Variants in ADGRG1 observed in about 807,000 individuals in gnomAD.
ADGRG1 encodes adhesion G protein-coupled receptor G1.
Under a neutral mutation model 73.5 loss-of-function variants are expected in ADGRG1, and 53 were observed. The ratio of observed to expected loss-of-function variants is 0.72; its 90% confidence interval spans 0.58 to 0.91. ADGRG1 has a LOEUF of 0.91. Among genes scored for constraint, ADGRG1 ranks in the 40% least tolerant of loss-of-function variants. The pLI, the probability that ADGRG1 is intolerant of heterozygous loss-of-function variation, is 0.00. For missense variants in ADGRG1, 795 were observed against 871.8 expected (o/e 0.91, Z 1.11); for synonymous variants, 394 against 374.4 (o/e 1.05, Z -0.60).
chr16:57,657,336 A>T, intron 9 of ADGRG1, 37 bp from the exon 10 acceptor site: 3 of 1,613,358 alleles, frequency 1.9e-6, no homozygotes, highest in Non-Finnish European at 2.5e-6. Context: ...TGTGTGGGGG[A>T]CACAGAGGCC....
intron 1 of ADGRG1, chr16:57,648,568 T>C: frequency 1.0e-6 from 1 of 983,262 alleles, no homozygotes; most frequent in Non-Finnish European, 1.2e-6. Context: ...GAAGGAGACA[T>C]TGAGCTCCTG....
At position 57,631,746 on chromosome 16, in the gene ADGRG1, A is replaced by G. The variant is rs536353665; in HGVS notation, c.-36+2944A>G. The G allele has an allele frequency of 1.5e-4, 147 of 985,456 alleles. 1 individual carries two copies. The African/African-American group carries it at 2.4e-3, about 16-fold the overall frequency. 61.0% of individuals were successfully genotyped at this position (985,456 alleles called of 1,614,324 possible). Reference sequence around the variant, plus strand: ...AAACCGGGTGGGGCGGGGCTGTGGCACGGCCTCAGCCTCCCAGGCCTCCTT... The same window carrying G: ...AAACCGGGTGGGGCGGGGCTGTGGCGCGGCCTCAGCCTCCCAGGCCTCCTT... On this transcript the variant is annotated intron_variant, in intron 1 of 13. Transcript: ENST00000562631.
At chr16:57,628,623 C>T, upstream of ADGRG1, 1 of 985,532 alleles carries the variant, frequency 1.0e-6, no homozygotes, top group South Asian at 4.7e-5. Context: ...CCGGTCCCTC[C>T]CTCTCCGCAC....
intron 1 of ADGRG1, chr16:57,636,712 C>T (rs4395064): frequency 2.0e-6 from 2 of 984,914 alleles, no homozygotes; most frequent in South Asian, 9.4e-5. Context: ...CCAGCTCCGT[C>T]TCAGTCTTCA....
intron 1 of ADGRG1, chr16:57,635,990 G>A (rs1469654239): frequency 2.0e-6 from 2 of 985,280 alleles, no homozygotes; most frequent in Non-Finnish European, 2.4e-6. Context: ...AGTCTCTGCA[G>A]ACTAGTCCTC....
At chr16:57,624,967 G>T (rs1172161964), upstream of ADGRG1, among the ~76,000 whole-genome samples, 2 of 152,160 alleles carry the variant, frequency 1.3e-5, no homozygotes, top group Non-Finnish European at 2.9e-5. Flanking sequence ...GGAGATAAAT[G>T]GATGGAGAGA....
intron 1 of ADGRG1, chr16:57,643,564 GT>G: frequency 1.0e-6 from 1 of 983,692 alleles, no homozygotes; most frequent in Non-Finnish European, 1.2e-6. Context: ...GGTATGGGGG[GT>G]GGGGGGTGTC....
At chr16:57,662,066 GGCCTCA>G in intron 13 of ADGRG1, 101 bp downstream of exon 13, 1 of 948,236 alleles carries the variant, frequency 1.1e-6, no homozygotes. Context: ...CCCTTCTCTG[GGCCTCA>G]GTCATCCCAT....
intron 1 of ADGRG1, among the ~76,000 whole-genome samples, chr16:57,649,760 G>A (rs2148159651): frequency 6.6e-6 from 1 of 151,890 alleles, no homozygotes; most frequent in South Asian, 2.1e-4. Context: ...AACTCAGCTG[G>A]ACTCTGGACA....
intron 3 of ADGRG1, chr16:57,652,855 G>T (rs2044442606): frequency 1.8e-6 from 2 of 1,139,872 alleles, no homozygotes; most frequent in Non-Finnish European, 2.2e-6. Flanking sequence ...GGAGTCCCAG[G>T]AACCACCACC....
chr16:57,642,601 A>G, intron 1 of ADGRG1: 2 of 976,410 alleles, frequency 2.0e-6, no homozygotes, highest in Non-Finnish European at 2.4e-6. Context: ...AGAGCCTTTG[A>G]TATGCTAATA....
At chr16:57,661,321 T>C (rs2047025803) in intron 12 of ADGRG1, 1 of 985,206 alleles carries the variant, frequency 1.0e-6, no homozygotes, top group Non-Finnish European at 1.2e-6. Flanking sequence ...ACTCACCTGA[T>C]TCACCCAGGC....
chr16:57,630,398 C>T, intron 1 of ADGRG1: 1 of 985,790 alleles, frequency 1.0e-6, no homozygotes. Flanking sequence ...CCGAGATATG[C>T]ACCCACCTTG....
intron 3 of ADGRG1, 88 bp from the exon 4 acceptor site, chr16:57,653,115 G>A (rs1389818225): frequency 1.3e-6 from 2 of 1,595,344 alleles, no homozygotes; most frequent in Admixed American, 3.3e-5. Context: ...GGCATTCAGA[G>A]TCATGTCAGG....
At chr16:57,654,416 C>A (rs1253166745) in intron 5 of ADGRG1, among the ~76,000 whole-genome samples, 18 of 135,402 alleles carry the variant, frequency 1.3e-4, no homozygotes, top group African/African-American at 3.8e-4. Flanking sequence ...CGCACCCCCC[C>A]CCCCCGTTTT....
chr16:57,659,073 C>T (rs2046419825), intron 10 of ADGRG1: 1 of 985,250 alleles, frequency 1.0e-6, no homozygotes, highest in Non-Finnish European at 1.2e-6. Context: ...ATGTGGATGG[C>T]ATGGATTCTC....
rs566251961 is a variant in ADGRG1, at chr16:57,654,794, C to A, written c.769-605C>A. 5.3e-5 allele frequency among the ~76,000 whole-genome samples: 8 copies of A among 152,296 alleles called. No homozygotes were observed. In the East Asian group the frequency reaches 1.5e-3, roughly 29 times the overall value. On this transcript the variant is annotated intron_variant, in intron 5 of 13. Transcript: ENST00000562631. ...ACTCGGGAGGTTGAGGCAGGAGAAT[C>A]GCTTGAACCCGGGAGGCGGAGGTTG... is the stretch of plus-strand genomic sequence containing the variant.
intron 1 of ADGRG1, among the ~76,000 whole-genome samples, chr16:57,644,557 A>G (rs1190213179): frequency 4.2e-5 from 6 of 141,970 alleles, no homozygotes; most frequent in Non-Finnish European, 6.0e-5. Flanking sequence ...ACATGCACAC[A>G]CGGACACTTA....
At chr16:57,662,543 A>C (rs1485582681) in intron 13 of ADGRG1, among the ~76,000 whole-genome samples, 2 of 152,122 alleles carry the variant, frequency 1.3e-5, no homozygotes, top group African/African-American at 2.4e-5. Flanking sequence ...ACAAATGCCC[A>C]AGGGGTCACG....
Sources: gnomAD v4.1 joint callset for allele counts (sites outside exome capture counted in the v4.1 genomes callset) on GRCh38, gnomAD v4.1.1 for gene constraint, MANE v1.5 for transcripts, NCBI Gene and HGNC (gene_info 2026-07-23, HGNC 2026-07-21) for gene names.